The following KIAA1328 variants were observed in gnomAD, a reference collection of about 807,000 sequenced individuals.
KIAA1328 encodes the protein KIAA1328.
In KIAA1328, 52 loss-of-function variants were observed where a neutral mutation model predicts 68.1. That is an observed-to-expected ratio of 0.76 (90% CI 0.61 to 0.96). The LOEUF (loss-of-function observed/expected upper bound fraction) is 0.96. Among genes scored for constraint, KIAA1328 ranks in the 40% least tolerant of loss-of-function variants. KIAA1328 has a pLI of 0.00. For synonymous variants in KIAA1328, 232 were observed against 239.4 expected, an observed-to-expected ratio of 0.97 and a Z score of 0.28; for missense variants, 641 against 677.6, an observed-to-expected ratio of 0.95 and a Z score of 0.60.
At chr18:36,998,850 GT>G (rs534012436) in intron 6 of KIAA1328, among the ~76,000 whole-genome samples, 4 of 152,302 alleles carry the variant, frequency 2.6e-5, no homozygotes, top group Admixed American at 2.0e-4. Context: ...AGATATCAAG[GT>G]AAGGACAGGA....
chr18:37,097,271 C>CA (rs1192558873), intron 7 of KIAA1328, among the ~76,000 whole-genome samples: 2 of 152,132 alleles, frequency 1.3e-5, no homozygotes, highest in Admixed American at 6.6e-5. Flanking sequence ...GGAAGGGATC[C>CA]AGTTTCAGCT....
intron 6 of KIAA1328, among the ~76,000 whole-genome samples, chr18:37,006,576 G>A (rs1568282426): frequency 6.6e-6 from 1 of 151,812 alleles, no homozygotes; most frequent in Admixed American, 6.6e-5. Context: ...TGCACAATGT[G>A]CAGGTTTGTT....
chr18:37,095,971 G>A (rs933491072), intron 7 of KIAA1328, among the ~76,000 whole-genome samples: 9 of 152,232 alleles, frequency 5.9e-5, no homozygotes, highest in African/African-American at 2.2e-4. Flanking sequence ...CCAATAATGA[G>A]TTACAAGATT....
At chr18:37,081,612 A>G (rs1425292259) in intron 7 of KIAA1328, among the ~76,000 whole-genome samples, 6 of 152,206 alleles carry the variant, frequency 3.9e-5, no homozygotes, top group Non-Finnish European at 7.3e-5. Context: ...ATAATTTTGT[A>G]TTAGGTTATG....
intron 5 of KIAA1328, among the ~76,000 whole-genome samples, chr18:36,907,022 G>T (rs2049248320): frequency 2.0e-5 from 3 of 152,042 alleles, no homozygotes; most frequent in Non-Finnish European, 4.4e-5. Flanking sequence ...TCTGCTTGCA[G>T]ACCGTACGTC....
rs557207558 is a variant in KIAA1328, at chr18:37,116,737, G to C, written c.1233-43463G>C. Reference sequence around the variant, plus strand: ...GAGTGAACAGGCAACCTACAGAATGGGAGAAAATTTTTGCAATCTAACCAT... The same window carrying C: ...GAGTGAACAGGCAACCTACAGAATGCGAGAAAATTTTTGCAATCTAACCAT... On this transcript the variant is annotated intron_variant, in intron 7 of 9. Coordinates refer to ENST00000280020, the MANE Select transcript of KIAA1328 (RefSeq NM_020776.3). Among the ~76,000 whole-genome samples, 15 of 152,164 alleles carry C rather than the reference G, an allele frequency of 9.9e-5. No homozygotes were observed. The East Asian group carries it at 2.5e-3, about 25-fold the overall frequency.
chr18:37,176,443 A>T (rs1324419644), intron 9 of KIAA1328, among the ~76,000 whole-genome samples: 1 of 152,216 alleles, frequency 6.6e-6, no homozygotes, highest in Non-Finnish European at 1.5e-5. Context: ...GGGGCATTAT[A>T]GTTTTCTGTG....
intron 9 of KIAA1328, among the ~76,000 whole-genome samples, chr18:37,218,172 C>G (rs2060484516): frequency 6.6e-6 from 1 of 152,200 alleles, no homozygotes; most frequent in Non-Finnish European, 1.5e-5. Flanking sequence ...ACAAAAAGAG[C>G]AAGGGTACCA....
At chr18:37,201,585 G>A (rs1323492785) in intron 9 of KIAA1328, among the ~76,000 whole-genome samples, 1 of 152,138 alleles carries the variant, frequency 6.6e-6, no homozygotes, top group Non-Finnish European at 1.5e-5. Flanking sequence ...TTTGCATAAA[G>A]GGCAGTAAGA....
chr18:36,944,353 C>G (rs1169241327), intron 5 of KIAA1328, among the ~76,000 whole-genome samples: 1 of 152,002 alleles, frequency 6.6e-6, no homozygotes, highest in Non-Finnish European at 1.5e-5. Context: ...ACAAGGCGGG[C>G]GGATCACAAG....
intron 8 of KIAA1328, among the ~76,000 whole-genome samples, chr18:37,168,962 C>T (rs764875999): frequency 3.3e-5 from 5 of 151,734 alleles, no homozygotes; most frequent in Non-Finnish European, 5.9e-5. Flanking sequence ...AAAAAATTGC[C>T]GTGAAATATA....
At chr18:36,938,257 G>A (rs2050579771) in intron 5 of KIAA1328, among the ~76,000 whole-genome samples, 1 of 152,068 alleles carries the variant, frequency 6.6e-6, no homozygotes, top group African/African-American at 2.4e-5. Flanking sequence ...ATCCTCACCA[G>A]CACTTGTTAT....
chr18:36,939,529 C>T (rs895801357), intron 5 of KIAA1328, among the ~76,000 whole-genome samples: 4 of 152,004 alleles, frequency 2.6e-5, no homozygotes, highest in African/African-American at 9.7e-5. Flanking sequence ...AAGGTCATAT[C>T]ATCAGCAAAC....
chr18:36,975,850 A>C (rs2151344528), intron 6 of KIAA1328, among the ~76,000 whole-genome samples: 1 of 152,266 alleles, frequency 6.6e-6, no homozygotes, highest in East Asian at 1.9e-4. Context: ...GATAGAGATA[A>C]AATTATTTTT....
At chr18:36,902,404 T>A (rs2049070805) in intron 5 of KIAA1328, 1 of 152,172 alleles carries the variant, frequency 6.6e-6, no homozygotes, top group Non-Finnish European at 1.5e-5. Context: ...AAAATTTCAT[T>A]TGCCTTTTTA....
intron 6 of KIAA1328, among the ~76,000 whole-genome samples, chr18:37,037,978 G>C (rs1262735739): frequency 1.3e-5 from 2 of 152,152 alleles, no homozygotes; most frequent in Admixed American, 1.3e-4. Flanking sequence ...GCACGCGCCT[G>C]TAGTCCCAGC....
intron 3 of KIAA1328, among the ~76,000 whole-genome samples, chr18:36,843,192 C>CGTTT (rs533037648): frequency 1.6e-3 from 250 of 152,220 alleles, no homozygotes; most frequent in Non-Finnish European, 2.8e-3. Flanking sequence ...CCTGCCTAGA[C>CGTTT]GTTTGCACAT....
chr18:37,168,616 A>G (rs1347661227), intron 8 of KIAA1328, among the ~76,000 whole-genome samples: 1 of 152,242 alleles, frequency 6.6e-6, no homozygotes, highest in African/African-American at 2.4e-5. Flanking sequence ...AAAATAATAT[A>G]CATATTTCTA....
chr18:37,077,940 C>G lies in KIAA1328; in HGVS notation c.1232+10395C>G, dbSNP rs534823470. 2.9e-3 allele frequency among the ~76,000 whole-genome samples: 440 copies of G among 152,110 alleles called. 4 individuals carry two copies. Among genetic ancestry groups the G allele is most frequent in the African/African-American group, 7.2e-3 (299 of 41,404 alleles). On this transcript the variant is annotated intron_variant, in intron 7 of 9. Transcript: ENST00000280020. The stretch of plus-strand genomic sequence containing the variant: ...ATAGATTCAATGCCATTCCCATCAA[C>G]CTACCAATGACTGTCTTCACAGAAT...
Sources: gnomAD v4.1 joint callset for allele counts (sites outside exome capture counted in the v4.1 genomes callset) on GRCh38, gnomAD v4.1.1 for gene constraint, MANE v1.5 for transcripts, NCBI Gene and HGNC (gene_info 2026-07-23, HGNC 2026-07-21) for gene names.